SLC27A3: variants seen among roughly 807,000 people sequenced by gnomAD.
SLC27A3 encodes the protein long-chain fatty acid transport protein 3.
SLC27A3 carries 60 observed loss-of-function variants against 60.1 expected under a neutral mutation model. The ratio of observed to expected loss-of-function variants is 1.00; its 90% CI spans 0.81 to 1.24. The LOEUF is 1.24. Ranked by LOEUF, SLC27A3 falls within the 50% of genes most tolerant of loss-of-function variation. SLC27A3 has a pLI of 0.00. For missense variants in SLC27A3, 1,079 were observed against 929.9 expected (o/e 1.16, Z -2.09); for synonymous variants, 455 against 409.0 (o/e 1.11, Z -1.36).
In SLC27A3 at chr1:153,779,953, TCA is replaced by T. The variant is rs781223890; in HGVS notation, c.2006_2007del (p.Thr669AsnfsTer60). Reference sequence around the variant, plus strand: ...CAGGCTGTAGGTGCCTACCTGCCCCTCACAACTGCCCGGTACAGCGCCCTCCT... The same window carrying T: ...CAGGCTGTAGGTGCCTACCTGCCCCTCAACTGCCCGGTACAGCGCCCTCCT... On this transcript the variant is annotated frameshift_variant, in exon 10 of 10. Transcript: ENST00000624995. LOFTEE classifies it high-confidence loss of function. 3.1e-6 allele frequency: 5 copies of T among 1,613,920 alleles called. No individual in the cohort carries two copies. The African/African-American group carries it at 6.7e-5, about 22-fold the overall frequency.
rs1673463187 is a variant in SLC27A3, at chr1:153,780,062, T to C, written c.*60T>C. ...TCTGTGGGGTGGGGGCCGTTGCAGGTGTACTGGGCTGTCAGGGATCTTTTC... is the reference window on the plus strand; with the variant it reads ...TCTGTGGGGTGGGGGCCGTTGCAGGCGTACTGGGCTGTCAGGGATCTTTTC... On this transcript the variant is annotated 3_prime_UTR_variant, in exon 10 of 10. Transcript: ENST00000624995. 1 of 1,460,212 alleles carries C rather than the reference T, an allele frequency of 6.8e-7. No individual in the cohort carries two copies. The highest frequency in any genetic ancestry group is 9.3e-7 in the Non-Finnish European group (1 of 1,071,644). 90.5% of individuals were successfully genotyped at this position (1,460,212 alleles called of 1,614,324 possible). A position where few individuals can be genotyped will look rare whatever the true frequency, so the allele number is the denominator to read the frequency against.
In SLC27A3 at chr1:153,779,419, C is replaced by G. The variant is rs1182138665; in HGVS notation, c.1821C>G (p.Thr607=). Residue 607 remains threonine (T), a synonymous_variant, in exon 9 of 10, where the codon ACC becomes ACG. Coordinates refer to ENST00000624995, the MANE Select transcript of SLC27A3 (RefSeq NM_024330.4). ...PHALDLMQLY[T]HVSENLPPYA... ...CTTTGGACCTTATGCAGCTCTACAC[C>G]CACGTGTCTGAGAACTTGCCACCTT... 1 of 1,613,908 alleles carries G rather than the reference C, an allele frequency of 6.2e-7. No homozygotes were observed. Among genetic ancestry groups the G allele is most frequent in the Non-Finnish European group, 8.5e-7 (1 of 1,179,984 alleles).
intron 9 of SLC27A3, 126 bp downstream of exon 9, chr1:153,779,599 C>T: frequency 1.7e-6 from 2 of 1,154,050 alleles, no homozygotes; most frequent in African/African-American, 1.5e-5. Flanking sequence ...ACGTAATACA[C>T]TCCGTGAAGA....
rs772979543 is a variant in SLC27A3 at position 153,777,132 on chromosome 1, T to A, written c.948T>A (p.Gly316=). 1 of 1,614,268 alleles carries A rather than the reference T, an allele frequency of 6.2e-7. No homozygotes were observed. The highest frequency in any genetic ancestry group is 1.7e-5 in the Admixed American group (1 of 60,030). The change falls in exon 3 of 10, where the codon GGT becomes GGA. Residue 316 remains glycine, a synonymous_variant. Coordinates refer to ENST00000624995, the MANE Select transcript of SLC27A3 (RefSeq NM_024330.4). ...LQCQGFYQLC[G]VHQEDVIYLA... ...GCCAGGGCTTCTATCAGCTGTGTGG[T>A]GTCCACCAGGAAGATGTGATCTACC...
intron 1 of SLC27A3, 22 bp downstream of exon 1, chr1:153,776,186 G>T: frequency 7.1e-7 from 1 of 1,412,884 alleles, no homozygotes; most frequent in South Asian, 1.5e-5. Flanking sequence ...GCTCCGAACT[G>T]ACTAAGGCGG....
chr1:153,778,620 T>G, intron 6 of SLC27A3, 67 bp downstream of exon 6: 1 of 1,608,654 alleles, frequency 6.2e-7, no homozygotes, highest in Non-Finnish European at 8.5e-7. Context: ...AATTGGAGAC[T>G]GGGGTGGATG....
intron 6 of SLC27A3, 38 bp downstream of exon 6, chr1:153,778,591 G>A: frequency 1.2e-6 from 2 of 1,610,770 alleles, no homozygotes; most frequent in Non-Finnish European, 1.7e-6. Context: ...GGGTGCTGAA[G>A]CTGGCACAGG....
chr1:153,776,406 A>G, intron 1 of SLC27A3, 112 bp from the exon 2 acceptor site: 1 of 1,283,696 alleles, frequency 7.8e-7, no homozygotes, highest in Non-Finnish European at 1.1e-6. Flanking sequence ...GAATGTCCAT[A>G]CCCTTCACCC....
In SLC27A3 at chr1:153,778,696, G is replaced by A. The variant is rs1352432234; in HGVS notation, c.1457G>A (p.Gly486Glu). The A allele has an allele frequency of 6.2e-6, 10 of 1,612,732 alleles. No homozygotes were observed. The highest frequency in any genetic ancestry group is 8.5e-6 in the Non-Finnish European group (10 of 1,179,952). The change falls in exon 7 of 10, where the codon GGG becomes GAG. Residue 486 changes from glycine to glutamate, a missense_variant. Coordinates refer to ENST00000624995, the MANE Select transcript of SLC27A3 (RefSeq NM_024330.4). Reference sequence around the variant, plus strand: ...CTGGTGACTCTGCCAGGTGAGCCAGGGCTGCTGGTGGCCCCGGTAAGCCAG... The same window carrying A: ...CTGGTGACTCTGCCAGGTGAGCCAGAGCTGCTGGTGGCCCCGGTAAGCCAG... ...HCMATSPGEP[G>E]LLVAPVSQQS...
chr1:153,779,367 C>T lies in SLC27A3; in HGVS notation c.1769C>T (p.Ala590Val), dbSNP rs1472399917. 1.9e-6 allele frequency: 3 copies of T among 1,614,046 alleles called. No homozygotes were observed. Among genetic ancestry groups the T allele is most frequent in the Non-Finnish European group, 2.5e-6 (3 of 1,179,950 alleles). ...GGGCATGAAGGCAGGGCTGGAATGGCAGCCCTAGTTCTGCGTCCCCCCCAC... is the reference window on the plus strand; with the variant it reads ...GGGCATGAAGGCAGGGCTGGAATGGTAGCCCTAGTTCTGCGTCCCCCCCAC... ...VPGHEGRAGMAALVLRPPHAL... is the reference protein window; with the variant it reads ...VPGHEGRAGMVALVLRPPHAL... Residue 590 changes from alanine to valine, a missense_variant, in exon 9 of 10, where the codon GCA (alanine) becomes GTA (valine). By Grantham distance (64) the Ala-to-Val change is moderately conservative. Coordinates refer to ENST00000624995, the MANE Select transcript of SLC27A3 (RefSeq NM_024330.4).
At position 153,777,995 on chromosome 1, in the gene SLC27A3, TGGC is replaced by T. The variant is rs1280234870; in HGVS notation, c.1161+111_1161+113del. 2.6e-5 allele frequency: 40 copies of T among 1,535,898 alleles called. No homozygotes were observed. In the Admixed American group the frequency reaches 7.6e-4, roughly 29 times the overall value. ...GGAGGGAGAAGCAGCAAGAAGAAAA[TGGC>T]AGTGTAAGATAAGGAGCCAGAGATG... is the stretch of plus-strand genomic sequence containing the variant. On this transcript the variant is annotated intron_variant, in intron 4 of 9. Transcript: ENST00000624995.
At chr1:153,776,474 A>G in intron 1 of SLC27A3, 44 bp from the exon 2 acceptor site, 1 of 1,529,102 alleles carries the variant, frequency 6.5e-7, no homozygotes, top group South Asian at 1.2e-5. Flanking sequence ...AGGCTCTTCT[A>G]GGTAGAGCCA....
rs1278909070 is a variant in SLC27A3 at position 153,778,709 on chromosome 1, C to T, written c.1470C>T (p.Ala490=). 3 of 1,613,038 alleles carry T rather than the reference C, an allele frequency of 1.9e-6. No homozygotes were observed. The highest frequency in any genetic ancestry group is 2.5e-6 in the Non-Finnish European group (3 of 1,179,974). ...TSPGEPGLLV[A]PVSQQSPFLG... The stretch of plus-strand genomic sequence containing the variant: ...CAGGTGAGCCAGGGCTGCTGGTGGC[C>T]CCGGTAAGCCAGCAGTCCCCATTCC... Residue 490 remains alanine (A), a synonymous_variant, in exon 7 of 10, where the codon GCC becomes GCT. Coordinates refer to ENST00000624995, the MANE Select transcript of SLC27A3 (RefSeq NM_024330.4).
chr1:153,778,693 CA>C lies in SLC27A3; in HGVS notation c.1455del (p.Leu487CysfsTer6), dbSNP rs750093955. On this transcript the variant is annotated frameshift_variant, in exon 7 of 10. Coordinates refer to ENST00000624995, the MANE Select transcript of SLC27A3 (RefSeq NM_024330.4). LOFTEE classifies it high-confidence loss of function. Reference protein sequence around the residue: ...GHCMATSPGEPGLLVAPVSQQ... With the variant: ...GHCMATSPGEXGLLVAPVSQQ... ...ACCCTGGTGACTCTGCCAGGTGAGC[CA>C]GGGCTGCTGGTGGCCCCGGTAAGCC... 73 of 1,612,736 alleles carry C rather than the reference CA, an allele frequency of 4.5e-5. No individual in the cohort carries two copies. The highest frequency in any genetic ancestry group is 5.8e-5 in the Non-Finnish European group (68 of 1,179,946).
rs749119384 is a variant in SLC27A3 at position 153,776,109 on chromosome 1, C to T, written c.612C>T (p.Gly204=). The part of the protein sequence containing the change: ...TAFVPTALRR[G]PLLHCLRSCG... Reference sequence around the variant, plus strand: ...TTGTGCCCACCGCCCTGCGCCGGGGCCCCCTGCTGCACTGCCTCCGCAGCT... The same window carrying T: ...TTGTGCCCACCGCCCTGCGCCGGGGTCCCCTGCTGCACTGCCTCCGCAGCT... Residue 204 remains glycine, a synonymous_variant, in exon 1 of 10, where the codon GGC becomes GGT. Coordinates refer to ENST00000624995, the MANE Select transcript of SLC27A3 (RefSeq NM_024330.4). The T allele has an allele frequency of 2.9e-5, 43 of 1,472,454 alleles. No individual in the cohort carries two copies. Among genetic ancestry groups the T allele is most frequent in the Admixed American group, 8.0e-5 (3 of 37,356 alleles). 91.2% of individuals were successfully genotyped at this position (1,472,454 alleles called of 1,614,324 possible).
At chr1:153,778,937 A>G in intron 7 of SLC27A3, 52 bp downstream of exon 7, 1 of 1,577,808 alleles carries the variant, frequency 6.3e-7, no homozygotes, top group East Asian at 2.2e-5. Flanking sequence ...TCTGTGATCC[A>G]AAGCTTCTGA....
At chr1:153,778,619 CTG>C in intron 6 of SLC27A3, 66 bp downstream of exon 6, 1 of 1,608,646 alleles carries the variant, frequency 6.2e-7, no homozygotes, top group South Asian at 1.1e-5. Context: ...GAATTGGAGA[CTG>C]GGGTGGATGG....
In SLC27A3 at chr1:153,778,569, G is replaced by C. The variant is rs777146901; in HGVS notation, c.1447+16G>C. 4 of 1,613,318 alleles carry C rather than the reference G, an allele frequency of 2.5e-6. No individual in the cohort carries two copies. The highest frequency in any genetic ancestry group is 1.3e-5 in the African/African-American group (1 of 74,894). On this transcript the variant is annotated intron_variant, in intron 6 of 9. Coordinates refer to ENST00000624995, the MANE Select transcript of SLC27A3 (RefSeq NM_024330.4). ...ACATCTCCAGGTTGGTGGTGTTCTG[G>C]TGGGGTGGGCGGGGTGCTGAAGCTG...
chr1:153,775,720 G>A lies in SLC27A3; in HGVS notation c.223G>A (p.Ala75Thr). ...CSLAWRLAEL[A>T]QQRAAHTFLI... ...CCTGGCCTGGCGCCTCGCGGAACTG[G>A]CCCAGCAGCGCGCCGCGCACACCTT... The change falls in exon 1 of 10, where the codon GCC becomes ACC. Residue 75 changes from alanine (A) to threonine (T), a missense_variant. Transcript: ENST00000624995. The A allele has an allele frequency of 2.0e-6, 3 of 1,520,486 alleles. No homozygotes were observed. The highest frequency in any genetic ancestry group is 2.3e-5 in the East Asian group (1 of 43,202). The allele number at this position is 1,520,486 out of a possible 1,614,324, so 94.2% of individuals were successfully genotyped here. A position where few individuals can be genotyped will look rare whatever the true frequency, so the allele number is the denominator to read the frequency against.
Sources: allele counts gnomAD v4.1 joint callset, GRCh38; gene constraint gnomAD v4.1.1; transcripts MANE v1.5; gene names NCBI Gene and HGNC (gene_info 2026-07-23, HGNC 2026-07-21).